The following CD96 variants were observed in gnomAD, a reference collection of about 807,000 sequenced individuals.
CD96 encodes the protein CD96 molecule.
Under a neutral mutation model 71.3 loss-of-function variants are expected in CD96, and 70 were observed. The ratio of observed to expected loss-of-function variants is 0.98; its 90% CI spans 0.81 to 1.20. The LOEUF (loss-of-function observed/expected upper bound fraction) is 1.20, where lower values mean the gene tolerates loss of function less well. Ranked by LOEUF, CD96 falls within the 50% of genes most tolerant of loss-of-function variation. CD96 has a pLI of 0.00. For missense variants in CD96, 742 were observed against 677.5 expected (o/e 1.10, Z -1.06); for synonymous variants, 248 against 233.0 (o/e 1.06, Z -0.59).
At chr3:111,543,674 C>A (rs1934228303) in intron 1 of CD96, among the ~76,000 whole-genome samples, 1 of 151,982 alleles carries the variant, frequency 6.6e-6, no homozygotes, top group South Asian at 2.1e-4. Context: ...TTTAAGTAGC[C>A]CCTCCCAGCA....
chr3:111,641,978 C>G (rs1200498932), intron 12 of CD96, among the ~76,000 whole-genome samples: 2 of 152,076 alleles, frequency 1.3e-5, no homozygotes, highest in East Asian at 1.9e-4. Context: ...CCTATCGAAC[C>G]TCTGGGATAC....
At chr3:111,571,092 C>G (rs1394703095) in intron 3 of CD96, 1 of 791,700 alleles carries the variant, frequency 1.3e-6, no homozygotes, top group Non-Finnish European at 2.2e-6. Context: ...GAGACTAAGA[C>G]CCGGGCATCC....
intron 10 of CD96, among the ~76,000 whole-genome samples, chr3:111,625,733 A>G (rs1160625646): frequency 6.6e-6 from 1 of 152,190 alleles, no homozygotes; most frequent in Non-Finnish European, 1.5e-5. Context: ...AAGAGACATA[A>G]CCATAAAAAA....
chr3:111,659,590 T>C (rs1198802846), intron 14 of CD96, among the ~76,000 whole-genome samples: 1 of 152,190 alleles, frequency 6.6e-6, no homozygotes, highest in South Asian at 2.1e-4. Flanking sequence ...TTTTTTATTT[T>C]ACCCAGTAGT....
intron 2 of CD96, among the ~76,000 whole-genome samples, chr3:111,558,389 C>T (rs1935191967): frequency 7.2e-6 from 1 of 138,442 alleles, no homozygotes; most frequent in Non-Finnish European, 1.6e-5. Flanking sequence ...CCATCAATAC[C>T]GAATTTATTG....
intron 8 of CD96, 42 bp from the exon 9 acceptor site, chr3:111,623,712 G>A (rs745585094): frequency 8.1e-6 from 10 of 1,233,846 alleles, no homozygotes; most frequent in Non-Finnish European, 1.2e-5. Flanking sequence ...ACATACGAAT[G>A]TAAATACATA....
chr3:111,579,188 C>A lies in CD96; in HGVS notation c.705C>A (p.Val235=). 6.2e-7 allele frequency: 1 copy of A among 1,611,268 alleles called. No homozygotes were observed. The highest frequency in any genetic ancestry group is 8.5e-7 in the Non-Finnish European group (1 of 1,177,338). The change falls in exon 4 of 14, where the codon GTC becomes GTA. Residue 235 remains valine (V), a synonymous_variant. Transcript: ENST00000352690. ...GGAAGTTCTCTTGCCACATTAGAGT[C>A]GGTCCTAACAAAATCTTGAGGAGCT... ...DGRKFSCHIR[V]GPNKILRSST...
intron 8 of CD96, among the ~76,000 whole-genome samples, chr3:111,622,775 A>G (rs1938575004): frequency 6.6e-6 from 1 of 152,176 alleles, no homozygotes; most frequent in Non-Finnish European, 1.5e-5. Context: ...AATCACAACA[A>G]AAAGAATAAC....
At chr3:111,593,282 C>G (rs1030090045) in intron 5 of CD96, 2 of 354,740 alleles carry the variant, frequency 5.6e-6, no homozygotes, top group African/African-American at 4.2e-5. Context: ...TGAAACAACT[C>G]ACAGAGTTTT....
intron 3 of CD96, chr3:111,570,790 C>G (rs1935942957): frequency 6.2e-7 from 1 of 1,613,684 alleles, no homozygotes; most frequent in Non-Finnish European, 8.5e-7. Context: ...GAAACGTCTT[C>G]CAAAGCAGGT....
intron 7 of CD96, among the ~76,000 whole-genome samples, chr3:111,601,268 G>T (rs1485308833): frequency 1.3e-5 from 2 of 152,032 alleles, no homozygotes; most frequent in African/African-American, 2.4e-5. Context: ...AGATTTAAAA[G>T]ACCTAAAATT....
At chr3:111,644,759 T>C (rs772321514) in intron 12 of CD96, among the ~76,000 whole-genome samples, 7 of 151,936 alleles carry the variant, frequency 4.6e-5, no homozygotes, top group Non-Finnish European at 7.4e-5. Flanking sequence ...AACAAACATA[T>C]GAAAAAATGC....
intron 12 of CD96, 61 bp downstream of exon 12, chr3:111,638,229 A>G: frequency 1.9e-6 from 2 of 1,028,278 alleles, no homozygotes; most frequent in Non-Finnish European, 3.1e-6. Flanking sequence ...AATATTTATC[A>G]AGTACCTGCC....
intron 2 of CD96, among the ~76,000 whole-genome samples, chr3:111,565,278 G>A (rs145929377): frequency 2.3e-3 from 356 of 152,202 alleles, no homozygotes; most frequent in Non-Finnish European, 4.2e-3. Flanking sequence ...AATTAAGAGG[G>A]ATGTGTTGTT....
intron 12 of CD96, among the ~76,000 whole-genome samples, chr3:111,647,088 TAAAAA>T (rs11337310): frequency 1.0e-5 from 1 of 98,940 alleles, no homozygotes; most frequent in Non-Finnish European, 2.1e-5. Flanking sequence ...GGGTAAAGAT[TAAAAA>T]AAAAAAAAAA....
intron 10 of CD96, among the ~76,000 whole-genome samples, chr3:111,631,110 G>A (rs189378067): frequency 9.9e-5 from 15 of 152,212 alleles, no homozygotes; most frequent in Admixed American, 5.9e-4. Flanking sequence ...CTCTCTCAGC[G>A]TTTCTATTCA....
Position 111,651,824 on chromosome 3 carries a change from G to A in CD96, c.*2018G>A, listed in dbSNP as rs1036753443. ...GGGAACCCGGGAGGCAGAGCTTGCA[G>A]TGAGCCGAGATTGTGCCACTGCACA... On this transcript the variant is annotated 3_prime_UTR_variant, in exon 14 of 14. Coordinates refer to ENST00000352690, the MANE Select transcript of CD96 (RefSeq NM_005816.5). 2 of 151,120 alleles carry A rather than the reference G, an allele frequency of 1.3e-5. No individual in the cohort carries two copies. Among genetic ancestry groups the A allele is most frequent in the African/African-American group, 2.4e-5 (1 of 40,956 alleles). 9.4% of individuals were successfully genotyped at this position (151,120 alleles called of 1,614,324 possible).
chr3:111,577,566 A>T, intron 3 of CD96: 1 of 1,519,434 alleles, frequency 6.6e-7, no homozygotes, highest in Non-Finnish European at 9.1e-7. Flanking sequence ...AAATTGCTGC[A>T]GGAAAAAGAA....
chr3:111,644,860 G>A (rs139540469), intron 12 of CD96, among the ~76,000 whole-genome samples: 1 of 151,332 alleles, frequency 6.6e-6, no homozygotes, highest in Non-Finnish European at 1.5e-5. Context: ...CAAAAAAAAT[G>A]GTAGATGTTG....
Sources: gnomAD v4.1 joint callset for allele counts (sites outside exome capture counted in the v4.1 genomes callset) on GRCh38, gnomAD v4.1.1 for gene constraint, MANE v1.5 for transcripts, NCBI Gene and HGNC (gene_info 2026-07-23, HGNC 2026-07-21) for gene names.